PDCD2L: variants seen among roughly 807,000 people sequenced by gnomAD.
PDCD2L encodes uS5 assembly chaperone PDCD2L.
A neutral mutation model predicts 40.4 loss-of-function variants in PDCD2L; 44 were observed. That is an observed-to-expected ratio of 1.09 (90% CI 0.86 to 1.40). PDCD2L has a LOEUF of 1.40. Among genes scored for constraint, PDCD2L ranks in the 40% most tolerant of loss-of-function variants. PDCD2L has a pLI of 0.00. For missense variants in PDCD2L, 470 were observed against 453.7 expected, an observed-to-expected ratio of 1.04 and a Z score of -0.33; for synonymous variants, 194 against 174.6, an observed-to-expected ratio of 1.11 and a Z score of -0.88.
In PDCD2L at chr19:34,404,436, G is replaced by A; in HGVS notation, c.6G>A (p.Ala2=). The A allele has an allele frequency of 6.5e-7, 1 of 1,542,414 alleles. No individual in the cohort carries two copies. Among genetic ancestry groups the A allele is most frequent in the Admixed American group, 2.0e-5 (1 of 50,006 alleles). Residue 2 remains alanine, a synonymous_variant, in exon 1 of 7, where the codon GCG becomes GCA. Coordinates refer to ENST00000246535, the MANE Select transcript of PDCD2L (RefSeq NM_032346.2). The part of the protein sequence containing the change: M[A]AVLKPVLLGL... ...CACCTGGTCGCCCGGCGGCCATGGC[G>A]GCCGTTCTGAAGCCGGTGCTGCTGG...
At chr19:34,419,603 A>G (rs1183548585) in intron 5 of PDCD2L, among the ~76,000 whole-genome samples, 1 of 151,536 alleles carries the variant, frequency 6.6e-6, no homozygotes, top group Non-Finnish European at 1.5e-5. Context: ...CAGCTTCTCA[A>G]AGTGCTAGGG....
At chr19:34,413,125 A>C (rs1251015585) in intron 4 of PDCD2L, among the ~76,000 whole-genome samples, 1 of 151,574 alleles carries the variant, frequency 6.6e-6, no homozygotes, top group Non-Finnish European at 1.5e-5. Context: ...TGCAACCTCC[A>C]TCTCCTGGGT....
At chr19:34,417,286 A>G (rs2075130459) in intron 5 of PDCD2L, among the ~76,000 whole-genome samples, 1 of 152,140 alleles carries the variant, frequency 6.6e-6, no homozygotes, top group Non-Finnish European at 1.5e-5. Flanking sequence ...ACCAAGCCCC[A>G]TGACATTACA....
In PDCD2L at chr19:34,404,407, T is replaced by A; in HGVS notation, c.-24T>A. On this transcript the variant is annotated 5_prime_UTR_variant, in exon 1 of 7. Transcript: ENST00000246535. ...CGCAGAGAGGCCGCCGTAGTTTGCG[T>A]TTTCACCTGGTCGCCCGGCGGCCAT... 7.2e-6 allele frequency: 11 copies of A among 1,536,860 alleles called. No homozygotes were observed. The highest frequency in any genetic ancestry group is 9.6e-6 in the Non-Finnish European group (11 of 1,141,914).
chr19:34,420,024 A>G (rs973711428), intron 5 of PDCD2L, among the ~76,000 whole-genome samples: 2 of 151,860 alleles, frequency 1.3e-5, no homozygotes, highest in Admixed American at 6.6e-5. Context: ...TTGCTCTATC[A>G]TCCAGGCTGG....
At chr19:34,419,794 T>TTTTTTTTTTG (rs2075141757) in intron 5 of PDCD2L, among the ~76,000 whole-genome samples, 1 of 140,458 alleles carries the variant, frequency 7.1e-6, no homozygotes, top group African/African-American at 2.6e-5. Flanking sequence ...TTTTTTTTTT[T>TTTTTTTTTTG]AAGAGATTGG....
intron 5 of PDCD2L, among the ~76,000 whole-genome samples, chr19:34,418,451 A>G (rs951552055): frequency 2.0e-5 from 3 of 152,056 alleles, no homozygotes; most frequent in Admixed American, 6.6e-5. Context: ...TTCTTATTGC[A>G]TGTATCAATA....
Position 34,404,489 on chromosome 19 carries a change from G to T in PDCD2L, c.59G>T (p.Ser20Ile). The T allele has an allele frequency of 6.5e-7, 1 of 1,543,178 alleles. No individual in the cohort carries two copies. Among genetic ancestry groups the T allele is most frequent in the African/African-American group, 1.4e-5 (1 of 73,134 alleles). ...CTTCGAGATGCGCCGGTGCACGGCA[G>T]CCCCACAGGGCCGGGTGCCTGGACT... ...LGLRDAPVHG[S>I]PTGPGAWTAS... Residue 20 changes from serine to isoleucine, a missense_variant, in exon 1 of 7, where the codon AGC becomes ATC. Coordinates refer to ENST00000246535, the MANE Select transcript of PDCD2L (RefSeq NM_032346.2).
intron 5 of PDCD2L, among the ~76,000 whole-genome samples, chr19:34,417,434 C>A (rs941026884): frequency 6.6e-6 from 1 of 151,708 alleles, no homozygotes; most frequent in African/African-American, 2.4e-5. Context: ...ATGGTGAAAC[C>A]CTGTCTCTAC....
intron 3 of PDCD2L, among the ~76,000 whole-genome samples, chr19:34,406,245 G>A (rs184158157): frequency 6.6e-6 from 1 of 152,284 alleles, no homozygotes; most frequent in Admixed American, 6.5e-5. Context: ...AATTTATGAG[G>A]TATAAAGTGA....
At chr19:34,425,213 T>C (rs2075171473) in intron 6 of PDCD2L, among the ~76,000 whole-genome samples, 1 of 152,118 alleles carries the variant, frequency 6.6e-6, no homozygotes, top group Non-Finnish European at 1.5e-5. Context: ...TAATTTTCTG[T>C]AAACTCTTAG....
chr19:34,409,470 CAGAGAGA>C lies in PDCD2L; in HGVS notation c.649_655del (p.Arg217AlafsTer24). 6.2e-7 allele frequency: 1 copy of C among 1,614,096 alleles called. No homozygotes were observed. The highest frequency in any genetic ancestry group is 8.5e-7 in the Non-Finnish European group (1 of 1,180,016). On this transcript the variant is annotated frameshift_variant, in exon 4 of 7. Transcript: ENST00000246535. LOFTEE classifies it high-confidence loss of function. ...CCACAGCCTTCTGAGGGACTATCAG[CAGAGAGA>C]AGGCATTGCCATGGATCAGTTGCTT... is the stretch of plus-strand genomic sequence containing the variant.
chr19:34,423,325 GGT>G (rs2075161346), intron 6 of PDCD2L, among the ~76,000 whole-genome samples: 1 of 151,096 alleles, frequency 6.6e-6, no homozygotes, highest in African/African-American at 2.4e-5. Context: ...TGGGATTACA[GGT>G]GCCCACCACC....
intron 5 of PDCD2L, among the ~76,000 whole-genome samples, chr19:34,419,601 C>G (rs1411306144): frequency 6.6e-6 from 1 of 151,392 alleles, no homozygotes; most frequent in Non-Finnish European, 1.5e-5. Context: ...CTCAGCTTCT[C>G]AAAGTGCTAG....
chr19:34,418,386 GAT>G (rs979673585), intron 5 of PDCD2L, among the ~76,000 whole-genome samples: 1 of 151,972 alleles, frequency 6.6e-6, no homozygotes, highest in African/African-American at 2.4e-5. Context: ...GGTCATATGG[GAT>G]ATACTTTTTT....
At chr19:34,410,262 A>G (rs1254285371) in intron 4 of PDCD2L, among the ~76,000 whole-genome samples, 1 of 152,144 alleles carries the variant, frequency 6.6e-6, no homozygotes, top group African/African-American at 2.4e-5. Context: ...TGTCTGACCA[A>G]TTAAAATTTT....
intron 3 of PDCD2L, among the ~76,000 whole-genome samples, chr19:34,406,656 G>T (rs2075077407): frequency 1.3e-5 from 2 of 151,810 alleles, no homozygotes; most frequent in South Asian, 2.1e-4. Context: ...CTCCCAAAGT[G>T]CTGGGATTAC....
intron 3 of PDCD2L, among the ~76,000 whole-genome samples, chr19:34,408,434 G>A (rs1352859131): frequency 6.6e-6 from 1 of 150,984 alleles, no homozygotes; most frequent in Non-Finnish European, 1.5e-5. Flanking sequence ...GGGTTCAAGC[G>A]ATTCTCCTGC....
chr19:34,413,709 C>T (rs181617476), intron 4 of PDCD2L, 28 bp from the exon 5 acceptor site: 1 of 1,305,692 alleles, frequency 7.7e-7, no homozygotes, highest in Non-Finnish European at 1.1e-6. Context: ...TATAGACATT[C>T]AAAAGTGTTT....
Sources: allele counts gnomAD v4.1 joint callset (sites outside exome capture counted in the v4.1 genomes callset), GRCh38; gene constraint gnomAD v4.1.1; transcripts MANE v1.5; gene names NCBI Gene and HGNC (gene_info 2026-07-23, HGNC 2026-07-21).